KDM4C: variants seen among roughly 807,000 people sequenced by gnomAD.
KDM4C encodes lysine-specific demethylase 4C.
In KDM4C, 81 loss-of-function variants were observed where a neutral mutation model predicts 129.3. That is an observed-to-expected ratio of 0.63 (90% CI 0.52 to 0.75). KDM4C has a LOEUF of 0.75. Among genes scored for constraint, KDM4C ranks in the 30% least tolerant of loss-of-function variants. The pLI, the probability that KDM4C is intolerant of heterozygous loss-of-function variation, is 0.00. For missense variants in KDM4C, 1,457 were observed against 1,304.0 expected, an observed-to-expected ratio of 1.12 and a Z score of -1.81; for synonymous variants, 573 against 456.1, an observed-to-expected ratio of 1.26 and a Z score of -3.26.
chr9:6,943,587 A>G (rs1826349417), intron 8 of KDM4C, among the ~76,000 whole-genome samples: 1 of 151,742 alleles, frequency 6.6e-6, no homozygotes, highest in South Asian at 2.1e-4. Flanking sequence ...AGGTGGGAAG[A>G]TTGCTTGAGC....
chr9:6,928,788 T>A (rs530525671), intron 8 of KDM4C, among the ~76,000 whole-genome samples: 203 of 152,302 alleles, frequency 1.3e-3, no homozygotes, highest in African/African-American at 4.6e-3. Context: ...TGGCTACCCC[T>A]TGGCTCTGTC....
intron 7 of KDM4C, among the ~76,000 whole-genome samples, chr9:6,889,619 C>A (rs1845833522): frequency 6.6e-6 from 1 of 152,180 alleles, no homozygotes; most frequent in Non-Finnish European, 1.5e-5. Context: ...TCAGACACAT[C>A]ATCATCCAGT....
intron 17 of KDM4C, among the ~76,000 whole-genome samples, chr9:7,098,186 C>T (rs1051421109): frequency 6.6e-6 from 1 of 152,184 alleles, no homozygotes; most frequent in Non-Finnish European, 1.5e-5. Flanking sequence ...CCAACAGTGA[C>T]TCATTAGCCT....
chr9:6,725,407 G>A (rs1817089117), intron 1 of KDM4C, among the ~76,000 whole-genome samples: 1 of 152,036 alleles, frequency 6.6e-6, no homozygotes, highest in African/African-American at 2.4e-5. Context: ...CTGGATAGTG[G>A]TAATTGCCTT....
chr9:7,005,673 T>A (rs564688898), intron 12 of KDM4C, among the ~76,000 whole-genome samples: 1 of 152,152 alleles, frequency 6.6e-6, no homozygotes, highest in Non-Finnish European at 1.5e-5. Flanking sequence ...AGAGATTATG[T>A]TGGAGGCCTA....
chr9:7,066,517 C>A (rs960982634), intron 17 of KDM4C, among the ~76,000 whole-genome samples: 12 of 152,046 alleles, frequency 7.9e-5, no homozygotes, highest in African/African-American at 2.7e-4. Flanking sequence ...TTCCAAATAG[C>A]AATAGTGTAT....
At chr9:6,976,249 T>C (rs999361720) in intron 8 of KDM4C, among the ~76,000 whole-genome samples, 1 of 152,178 alleles carries the variant, frequency 6.6e-6, no homozygotes, top group South Asian at 2.1e-4. Context: ...GTTACTTTGA[T>C]GCTAACACTT....
At chr9:6,771,285 A>G (rs1473656181) in intron 1 of KDM4C, among the ~76,000 whole-genome samples, 1 of 150,722 alleles carries the variant, frequency 6.6e-6, no homozygotes, top group Non-Finnish European at 1.5e-5. Context: ...TTGTCTTGAA[A>G]TATGTTTTCT....
At chr9:7,053,752 A>C (rs1036145226) in intron 17 of KDM4C, among the ~76,000 whole-genome samples, 40 of 152,312 alleles carry the variant, frequency 2.6e-4, no homozygotes, top group African/African-American at 9.6e-4. Flanking sequence ...ACAATATTTC[A>C]CTTTTGTGTA....
At position 6,805,582 on chromosome 9, in the gene KDM4C, CATT is replaced by C; in HGVS notation, c.145-13_145-11del. On this transcript the variant is annotated splice_polypyrimidine_tract_variant and intron_variant, in intron 2 of 21. Coordinates refer to ENST00000381309, the MANE Select transcript of KDM4C (RefSeq NM_015061.6). ...GTATTTTCAAGATGATATTTTATTTCATTATTTTATTTTTAGGTGATTCCTCCT... is the reference window on the plus strand; with the variant it reads ...GTATTTTCAAGATGATATTTTATTTCATTTTATTTTTAGGTGATTCCTCCT... The C allele has an allele frequency of 1.3e-6, 2 of 1,559,070 alleles. No individual in the cohort carries two copies. Among genetic ancestry groups the C allele is most frequent in the Non-Finnish European group, 8.7e-7 (1 of 1,147,588 alleles).
In KDM4C at chr9:7,074,195, G is replaced by A. The variant is rs181207815; in HGVS notation, c.2424+24995G>A. 3.4e-4 allele frequency among the ~76,000 whole-genome samples: 51 copies of A among 151,150 alleles called. No individual in the cohort carries two copies. The East Asian group carries it at 8.6e-3, about 25-fold the overall frequency. On this transcript the variant is annotated intron_variant, in intron 17 of 21. Transcript: ENST00000381309. ...TTTTTTCTTTCTGAGTTGGAGTTTCGCTCTGTCACCCAGGCTGGAGTGCAG... is the reference window on the plus strand; with the variant it reads ...TTTTTTCTTTCTGAGTTGGAGTTTCACTCTGTCACCCAGGCTGGAGTGCAG...
upstream of KDM4C, among the ~76,000 whole-genome samples, chr9:6,755,326 G>A (rs143093918): frequency 3.9e-5 from 6 of 152,316 alleles, no homozygotes; most frequent in Non-Finnish European, 8.8e-5. Flanking sequence ...AGCTGAGATC[G>A]CGCCACTGCA....
At chr9:7,096,716 A>G (rs181189173) in intron 17 of KDM4C, among the ~76,000 whole-genome samples, 1 of 152,176 alleles carries the variant, frequency 6.6e-6, no homozygotes, top group Non-Finnish European at 1.5e-5. Flanking sequence ...GGAGCAAAAG[A>G]TGGACAAAGA....
intron 8 of KDM4C, among the ~76,000 whole-genome samples, chr9:6,964,977 G>A (rs1044747113): frequency 3.6e-4 from 55 of 151,466 alleles, no homozygotes; most frequent in Admixed American, 1.1e-3. Context: ...CAAAGTGAAC[G>A]TATGCCTAGA....
At chr9:7,027,626 A>C (rs149427032) in intron 15 of KDM4C, among the ~76,000 whole-genome samples, 3 of 152,326 alleles carry the variant, frequency 2.0e-5, no homozygotes, top group African/African-American at 7.2e-5. Flanking sequence ...GCCTTGGGAC[A>C]CTACAGTCAG....
chr9:7,059,611 C>T (rs901479267), intron 17 of KDM4C, among the ~76,000 whole-genome samples: 9 of 152,188 alleles, frequency 5.9e-5, no homozygotes, highest in African/African-American at 2.2e-4. Context: ...TATTAAAATA[C>T]ATCTCCTTTT....
intron 5 of KDM4C, among the ~76,000 whole-genome samples, chr9:6,857,946 T>TTA (rs555121528): frequency 1.4e-5 from 2 of 140,172 alleles, no homozygotes; most frequent in Admixed American, 7.6e-5. Context: ...TTTTTTTTTT[T>TTA]AGAGATGGGG....
intron 2 of KDM4C, among the ~76,000 whole-genome samples, chr9:6,797,946 T>C (rs144203454): frequency 6.6e-5 from 10 of 152,352 alleles, no homozygotes; most frequent in African/African-American, 2.4e-4. Flanking sequence ...TGGCTTTCCC[T>C]CATTTAGATT....
intron 5 of KDM4C, among the ~76,000 whole-genome samples, chr9:6,860,460 G>T (rs1002848667): frequency 4.6e-5 from 7 of 152,138 alleles, no homozygotes; most frequent in African/African-American, 1.7e-4. Context: ...TCCTTGTCAG[G>T]AGTTAAGTGT....
Sources: allele counts gnomAD v4.1 joint callset (sites outside exome capture counted in the v4.1 genomes callset), GRCh38; gene constraint gnomAD v4.1.1; transcripts MANE v1.5; gene names NCBI Gene and HGNC (gene_info 2026-07-23, HGNC 2026-07-21).